Variants in GOT2 observed in about 807,000 individuals in gnomAD.
The protein encoded by GOT2 is aspartate aminotransferase, mitochondrial.
In GOT2, 17 loss-of-function variants were observed where a neutral mutation model predicts 50.0. The observed-to-expected ratio is 0.34, with a 90% CI of 0.23 to 0.51. The LOEUF (loss-of-function observed/expected upper bound fraction) is 0.51. GOT2 is among the 20% of genes least tolerant of loss of function. GOT2 has a pLI of 0.97. For missense variants in GOT2, 430 were observed against 559.6 expected (o/e 0.77, Z 2.34); for synonymous variants, 172 against 204.9 (o/e 0.84, Z 1.37).
At chr16:58,718,826 A>G (rs1382820846) in intron 4 of GOT2, 138 bp from the exon 5 acceptor site, 3 of 691,444 alleles carry the variant, frequency 4.3e-6, no homozygotes, top group African/African-American at 1.8e-5. Context: ...TTGACTCAGC[A>G]GTAAGACTGC....
chr16:58,720,176 T>TG (rs559943414), intron 3 of GOT2, among the ~76,000 whole-genome samples: 218 of 152,350 alleles, frequency 1.4e-3, no homozygotes, highest in African/African-American at 4.6e-3. Context: ...CACTCCAGCC[T>TG]GGGCAACAAG....
In GOT2 at chr16:58,719,211, G is replaced by A. The variant is rs781414259; in HGVS notation, c.420C>T (p.Ile140=). ...QTISGTGALR[I]GASFLQRFFK... ...CCAGACTCACCAGAAAACTGGCTCC[G>A]ATCCTTAAGGCTCCAGTTCCAGAAA... Residue 140 remains isoleucine (I), a synonymous_variant, in exon 4 of 10, where the codon ATC becomes ATT. Transcript: ENST00000245206. 37 of 1,612,604 alleles carry A rather than the reference G, an allele frequency of 2.3e-5. No homozygotes were observed. The highest frequency in any genetic ancestry group is 6.7e-5 in the Admixed American group (4 of 59,968).
At chr16:58,729,510 A>AG (rs2044815416) in intron 1 of GOT2, among the ~76,000 whole-genome samples, 1 of 151,118 alleles carries the variant, frequency 6.6e-6, no homozygotes, top group African/African-American at 2.4e-5. Flanking sequence ...AAAAAAAAAA[A>AG]AAAGAAAAAG....
chr16:58,718,402 C>A, intron 5 of GOT2, 102 bp from the exon 6 acceptor site: 3 of 1,341,366 alleles, frequency 2.2e-6, no homozygotes, highest in Non-Finnish European at 3.1e-6. Context: ...ACAAAGGTAA[C>A]CAGAACCCTG....
chr16:58,733,622 G>A (rs2044853123), intron 1 of GOT2, among the ~76,000 whole-genome samples: 1 of 152,210 alleles, frequency 6.6e-6, no homozygotes, highest in African/African-American at 2.4e-5. Context: ...GGTGCGGGAA[G>A]GAAAGCGAGG....
At chr16:58,710,157 C>T (rs1445405950) in intron 8 of GOT2, among the ~76,000 whole-genome samples, 3 of 152,154 alleles carry the variant, frequency 2.0e-5, no homozygotes, top group Admixed American at 6.6e-5. Flanking sequence ...CTAGGCCTCC[C>T]AGAGTGCCGG....
At chr16:58,722,603 C>A (rs1297404079) in intron 2 of GOT2, among the ~76,000 whole-genome samples, 1 of 152,046 alleles carries the variant, frequency 6.6e-6, no homozygotes, top group Non-Finnish European at 1.5e-5. Context: ...CTCCTGACCT[C>A]AGGTGATCCA....
intron 6 of GOT2, among the ~76,000 whole-genome samples, chr16:58,717,842 C>T (rs1597700604): frequency 6.6e-6 from 1 of 152,280 alleles, no homozygotes; most frequent in South Asian, 2.1e-4. Flanking sequence ...AGGCATGGGC[C>T]ACTACGCCCA....
intron 3 of GOT2, among the ~76,000 whole-genome samples, chr16:58,719,977 G>C (rs1005340692): frequency 6.6e-6 from 1 of 151,992 alleles, no homozygotes; most frequent in African/African-American, 2.4e-5. Flanking sequence ...CGAGGTGGAC[G>C]TATCACCTGA....
intron 8 of GOT2, among the ~76,000 whole-genome samples, chr16:58,711,801 T>C (rs117021235): frequency 3.9e-5 from 6 of 152,258 alleles, no homozygotes; most frequent in African/African-American, 4.8e-5. Context: ...CCAAAGATAT[T>C]GAGTGCATGA....
chr16:58,709,560 C>A lies in GOT2; in HGVS notation c.1027G>T (p.Glu343Ter). The A allele has an allele frequency of 6.2e-7, 1 of 1,608,718 alleles. No individual in the cohort carries two copies. The highest frequency in any genetic ancestry group is 8.5e-7 in the Non-Finnish European group (1 of 1,175,350). The change falls in exon 9 of 10, where the codon GAA becomes TAA. Residue 343 changes from glutamate (E) to a stop codon, truncating the protein, a stop_gained. Transcript: ENST00000245206. LOFTEE classifies it high-confidence loss of function. ...ATGCGGTCAGCCATGACTTTCACTT[C>A]TTGCAGCCTGTAAAGAAACCCTGAG... ...TPDLRKQWLQ[E>*]VKVMADRIIG...
At chr16:58,727,367 G>GT (rs11423426) in intron 1 of GOT2, among the ~76,000 whole-genome samples, 73,293 of 147,936 alleles carry the variant, frequency 0.5, 19,178 homozygotes, top group Middle Eastern at 0.77. Flanking sequence ...AATATAAAAG[G>GT]TTTTTTTTTT....
In GOT2 at chr16:58,707,555, T is replaced by C. The variant is rs1828828798; in HGVS notation, c.*616A>G. 3 of 152,216 alleles carry C rather than the reference T, an allele frequency of 2.0e-5. No individual in the cohort carries two copies. The South Asian group carries it at 6.2e-4, about 32-fold the overall frequency. 9.4% of individuals were successfully genotyped at this position (152,216 alleles called of 1,614,324 possible). ...CAAGCAGTAGAATGGGATGAAAATC[T>C]GCAATAGTTAAAAAATCTTTGCGTG... On this transcript the variant is annotated 3_prime_UTR_variant, in exon 10 of 10. Coordinates refer to ENST00000245206, the MANE Select transcript of GOT2 (RefSeq NM_002080.4).
At chr16:58,733,412 G>C (rs942503086) in intron 1 of GOT2, among the ~76,000 whole-genome samples, 2 of 152,130 alleles carry the variant, frequency 1.3e-5, no homozygotes, top group Admixed American at 1.3e-4. Flanking sequence ...GAATGAAAGA[G>C]CACAGGGAGA....
In GOT2 at chr16:58,707,927, A is replaced by G; in HGVS notation, c.*244T>C. 3.0e-6 allele frequency: 1 copy of G among 328,698 alleles called. No individual in the cohort carries two copies. The highest frequency in any genetic ancestry group is 5.3e-5 in the East Asian group (1 of 19,010). 20.4% of individuals were successfully genotyped at this position (328,698 alleles called of 1,614,324 possible). The stretch of plus-strand genomic sequence containing the variant: ...CTTGCACATGTAAACTCTTTGAGAA[A>G]AGTTGGAGAAAAAAGGACCGGGGAG... On this transcript the variant is annotated 3_prime_UTR_variant, in exon 10 of 10. Transcript: ENST00000245206.
At chr16:58,710,386 A>ATT (rs1186948705) in intron 8 of GOT2, among the ~76,000 whole-genome samples, 1 of 145,954 alleles carries the variant, frequency 6.9e-6, no homozygotes, top group Non-Finnish European at 1.5e-5. Context: ...TGCCTTGCTA[A>ATT]TTTTCTTTTC....
chr16:58,734,047 T>C, intron 1 of GOT2, 93 bp downstream of exon 1: 1 of 587,382 alleles, frequency 1.7e-6, no homozygotes, highest in Admixed American at 4.2e-5. Context: ...CAGTGTGTAT[T>C]TGGGGGCCGG....
At chr16:58,731,490 T>C (rs1302388092) in intron 1 of GOT2, among the ~76,000 whole-genome samples, 1 of 152,232 alleles carries the variant, frequency 6.6e-6, no homozygotes, top group African/African-American at 2.4e-5. Flanking sequence ...GCACACTGCA[T>C]TTTTAAAGTC....
chr16:58,716,368 A>G (rs1361173064), intron 7 of GOT2, 189 bp from the exon 8 acceptor site: 1 of 611,630 alleles, frequency 1.6e-6, no homozygotes. Flanking sequence ...TACTCAGAGT[A>G]TTCAAAGGTA....
Sources: allele counts gnomAD v4.1 joint callset (sites outside exome capture counted in the v4.1 genomes callset), GRCh38; gene constraint gnomAD v4.1.1; transcripts MANE v1.5; gene names NCBI Gene and HGNC (gene_info 2026-07-23, HGNC 2026-07-21).